SORCS3: variants seen among roughly 807,000 people sequenced by gnomAD.
SORCS3 encodes the protein VPS10 domain-containing receptor SorCS3.
A neutral mutation model predicts 146.3 loss-of-function variants in SORCS3; 57 were observed. The ratio of observed to expected loss-of-function variants is 0.39; its 90% CI spans 0.31 to 0.49. SORCS3 has a LOEUF of 0.49. SORCS3 is among the 20% of genes least tolerant of loss of function. The probability of loss-of-function intolerance (pLI) is 0.92; values close to 1 mark genes in which losing one functional copy is unlikely to be tolerated. For missense variants in SORCS3, 1,341 were observed against 1,575.5 expected, an observed-to-expected ratio of 0.85 and a Z score of 2.52; for synonymous variants, 653 against 618.5, an observed-to-expected ratio of 1.06 and a Z score of -0.83.
Position 105,247,239 on chromosome 10 carries a change from T to G in SORCS3, c.3013T>G (p.Leu1005Val), listed in dbSNP as rs1198482558. 3.7e-6 allele frequency: 6 copies of G among 1,605,022 alleles called. No homozygotes were observed. In the South Asian group the frequency reaches 6.6e-5, roughly 18 times the overall value. The change falls in exon 22 of 27, where the codon TTA becomes GTA. Residue 1005 changes from leucine (L) to valine (V), a missense_variant. By Grantham distance (32) the Leu-to-Val change is conservative. Transcript: ENST00000369701. ...AVHEYFQSQL[L>V]SFSPNLDYHN... ...TGCAGAATATTTCCAGTCCCAGCTT[T>G]TATCATTCTCTCCTAATCTGGATTA...
At chr10:104,736,550 G>A (rs1479013061) in intron 1 of SORCS3, among the ~76,000 whole-genome samples, 1 of 152,152 alleles carries the variant, frequency 6.6e-6, no homozygotes, top group African/African-American at 2.4e-5. Flanking sequence ...TAACCGTCAT[G>A]GTTTTGGATA....
chr10:104,855,761 G>A (rs1377962441), intron 2 of SORCS3, among the ~76,000 whole-genome samples: 3 of 148,552 alleles, frequency 2.0e-5, no homozygotes, highest in Middle Eastern at 3.4e-3. Flanking sequence ...TTTGAGACAG[G>A]GTCTTACTCT....
intron 17 of SORCS3, among the ~76,000 whole-genome samples, chr10:105,211,634 G>A (rs2056634379): frequency 6.6e-6 from 1 of 152,150 alleles, no homozygotes; most frequent in South Asian, 2.1e-4. Context: ...TGACACTGAT[G>A]CTGAAAACTT....
At chr10:105,149,158 C>T (rs1562967) in intron 9 of SORCS3, among the ~76,000 whole-genome samples, 67,743 of 151,928 alleles carry the variant, frequency 0.45, 16,094 homozygotes, top group Non-Finnish European at 0.53. Context: ...CATGAATCAC[C>T]CAGTCTCATA....
intron 5 of SORCS3, among the ~76,000 whole-genome samples, chr10:105,074,594 C>T (rs2055577345): frequency 6.6e-6 from 1 of 152,212 alleles, no homozygotes; most frequent in African/African-American, 2.4e-5. Context: ...GCTATCGTTA[C>T]ATTACCCTTG....
intron 5 of SORCS3, among the ~76,000 whole-genome samples, chr10:105,086,793 G>A (rs1589625431): frequency 6.6e-6 from 1 of 152,300 alleles, no homozygotes; most frequent in East Asian, 1.9e-4. Flanking sequence ...GGAGTTGCTT[G>A]TAGATTCTTG....
At chr10:105,050,278 T>A (rs2055401804) in intron 5 of SORCS3, among the ~76,000 whole-genome samples, 1 of 152,104 alleles carries the variant, frequency 6.6e-6, no homozygotes, top group Non-Finnish European at 1.5e-5. Context: ...GATTAGTGGC[T>A]TGCTTCTAGT....
intron 22 of SORCS3, among the ~76,000 whole-genome samples, chr10:105,251,110 C>T (rs767697424): frequency 5.9e-5 from 9 of 152,112 alleles, no homozygotes; most frequent in East Asian, 1.9e-4. Flanking sequence ...CTTGTATACC[C>T]GAAACTGGGT....
chr10:105,252,679 C>T, intron 22 of SORCS3, 96 bp from the exon 23 acceptor site: 1 of 1,490,544 alleles, frequency 6.7e-7, no homozygotes, highest in Non-Finnish European at 9.2e-7. Context: ...TTGAAAAACT[C>T]ACATGAGCCA....
chr10:105,062,898 T>C (rs2055497394), intron 5 of SORCS3, among the ~76,000 whole-genome samples: 1 of 152,172 alleles, frequency 6.6e-6, no homozygotes, highest in Non-Finnish European at 1.5e-5. Context: ...TGATGGTCTT[T>C]TAGGCTCAGA....
At chr10:104,827,792 T>A (rs959539290) in intron 1 of SORCS3, among the ~76,000 whole-genome samples, 1 of 152,244 alleles carries the variant, frequency 6.6e-6, no homozygotes, top group African/African-American at 2.4e-5. Context: ...GTAGCCACCT[T>A]CATTAATGAT....
intron 14 of SORCS3, among the ~76,000 whole-genome samples, chr10:105,183,722 A>G (rs2056457463): frequency 6.6e-6 from 1 of 152,196 alleles, no homozygotes; most frequent in Non-Finnish European, 1.5e-5. Context: ...CCAGCAACTC[A>G]GAGGCACACT....
chr10:105,223,802 C>T (rs1292946820), intron 20 of SORCS3, among the ~76,000 whole-genome samples: 2 of 152,350 alleles, frequency 1.3e-5, no homozygotes, highest in East Asian at 1.9e-4. Flanking sequence ...CTCCCTACTT[C>T]CAGCCATGGT....
At chr10:105,001,120 A>C (rs779277352) in intron 4 of SORCS3, among the ~76,000 whole-genome samples, 1 of 152,166 alleles carries the variant, frequency 6.6e-6, no homozygotes, top group Non-Finnish European at 1.5e-5. Context: ...TTTCAGACTA[A>C]CCATGTAAGG....
At position 105,216,996 on chromosome 10, in the gene SORCS3, G is replaced by C; in HGVS notation, c.2608G>C (p.Ala870Pro). Residue 870 changes from alanine (A) to proline (P), a missense_variant, in exon 19 of 27, where the codon GCA becomes CCA. Transcript: ENST00000369701. ...DFGDGIAVSY[A>P]NFSPIEDGIK... is the part of the protein sequence containing the mutation. ...TGGGGATGGGATTGCTGTGTCCTAC[G>C]CAAACTTCAGCCCCATCGAGGACGG... The C allele has an allele frequency of 3.1e-6, 5 of 1,614,128 alleles. No individual in the cohort carries two copies. The highest frequency in any genetic ancestry group is 4.2e-6 in the Non-Finnish European group (5 of 1,180,020).
intron 1 of SORCS3, among the ~76,000 whole-genome samples, chr10:104,749,795 C>T (rs1270920143): frequency 6.6e-6 from 1 of 152,162 alleles, no homozygotes; most frequent in Non-Finnish European, 1.5e-5. Flanking sequence ...TCATATTTTG[C>T]ATACATTTCA....
chr10:105,093,429 C>T (rs2055724006), intron 6 of SORCS3, among the ~76,000 whole-genome samples: 1 of 152,050 alleles, frequency 6.6e-6, no homozygotes, highest in Non-Finnish European at 1.5e-5. Flanking sequence ...TGAGCTTCAT[C>T]AAAATTTACA....
At chr10:104,971,895 G>A (rs894058090) in intron 3 of SORCS3, among the ~76,000 whole-genome samples, 15 of 152,162 alleles carry the variant, frequency 9.9e-5, no homozygotes, top group African/African-American at 3.4e-4. Flanking sequence ...CGGAATTGTT[G>A]TGGTATCAAA....
At chr10:104,795,347 A>T (rs935293304) in intron 1 of SORCS3, among the ~76,000 whole-genome samples, 2 of 150,790 alleles carry the variant, frequency 1.3e-5, no homozygotes, top group African/African-American at 5.0e-5. Context: ...TATGTAATTT[A>T]AAAAAATGGT....
Sources: gnomAD v4.1 joint callset for allele counts (sites outside exome capture counted in the v4.1 genomes callset) on GRCh38, gnomAD v4.1.1 for gene constraint, MANE v1.5 for transcripts, NCBI Gene and HGNC (gene_info 2026-07-23, HGNC 2026-07-21) for gene names.